The following NEGR1 variants were observed in gnomAD, a reference collection of about 807,000 sequenced individuals.
NEGR1 encodes IgLON family member 4.
NEGR1 carries 10 observed loss-of-function variants against 40.9 expected under a neutral mutation model. That is an observed-to-expected ratio of 0.24 (90% CI 0.15 to 0.42). The LOEUF (loss-of-function observed/expected upper bound fraction) is 0.42, where lower values mean the gene tolerates loss of function less well. Ranked by LOEUF, NEGR1 falls within the 10% of genes least tolerant of loss-of-function variation. The probability of loss-of-function intolerance (pLI) is 1.00; values close to 1 mark genes in which losing one functional copy is unlikely to be tolerated. For synonymous variants in NEGR1, 185 were observed against 166.8 expected, an observed-to-expected ratio of 1.11 and a Z score of -0.84; for missense variants, 352 against 438.9, an observed-to-expected ratio of 0.80 and a Z score of 1.77.
At chr1:71,664,603 A>G (rs1349640417) in intron 4 of NEGR1, among the ~76,000 whole-genome samples, 1 of 152,134 alleles carries the variant, frequency 6.6e-6, no homozygotes, top group African/African-American at 2.4e-5. Context: ...GTACTAAAAT[A>G]AATAATATTA....
intron 1 of NEGR1, among the ~76,000 whole-genome samples, chr1:71,975,478 G>T (rs1401706103): frequency 6.6e-6 from 1 of 152,160 alleles, no homozygotes; most frequent in Non-Finnish European, 1.5e-5. Flanking sequence ...CACTTCAATG[G>T]AATGCTCTTC....
chr1:72,051,101 C>T (rs1323323258), intron 1 of NEGR1, among the ~76,000 whole-genome samples: 5 of 151,362 alleles, frequency 3.3e-5, no homozygotes, highest in African/African-American at 4.8e-5. Flanking sequence ...GTTATGTTCC[C>T]GATGCATTGT....
intron 1 of NEGR1, among the ~76,000 whole-genome samples, chr1:72,268,203 A>C (rs951861666): frequency 1.3e-5 from 2 of 151,444 alleles, no homozygotes; most frequent in South Asian, 2.1e-4. Flanking sequence ...GCTATATTAA[A>C]GGAAGAGGAG....
chr1:72,066,747 A>T (rs1044256087), intron 1 of NEGR1, among the ~76,000 whole-genome samples: 1 of 152,058 alleles, frequency 6.6e-6, no homozygotes, highest in Admixed American at 6.6e-5. Context: ...TTGATCTTAG[A>T]CCACCAGCCT....
At chr1:71,639,108 C>T (rs1217445285) in intron 4 of NEGR1, among the ~76,000 whole-genome samples, 2 of 151,334 alleles carry the variant, frequency 1.3e-5, no homozygotes, top group African/African-American at 4.9e-5. Context: ...TTCTCTGCCA[C>T]ATGTGCTGGT....
intron 4 of NEGR1, among the ~76,000 whole-genome samples, chr1:71,630,542 C>T (rs1650940015): frequency 6.6e-6 from 1 of 151,756 alleles, no homozygotes; most frequent in Non-Finnish European, 1.5e-5. Flanking sequence ...GCTGTGTGCC[C>T]CATAAAATAA....
intron 1 of NEGR1, among the ~76,000 whole-genome samples, chr1:72,033,247 G>C (rs1646874884): frequency 6.6e-6 from 1 of 152,126 alleles, no homozygotes; most frequent in Non-Finnish European, 1.5e-5. Flanking sequence ...AAAAGGAACA[G>C]CAGTATTTTG....
At chr1:71,499,978 T>G (rs1453340424) in intron 6 of NEGR1, among the ~76,000 whole-genome samples, 2 of 152,156 alleles carry the variant, frequency 1.3e-5, no homozygotes, top group African/African-American at 4.8e-5. Context: ...GTGCTTCTCT[T>G]TATTGAATTA....
chr1:72,141,548 C>G (rs1002059564), intron 1 of NEGR1, among the ~76,000 whole-genome samples: 85 of 152,072 alleles, frequency 5.6e-4, no homozygotes, highest in African/African-American at 2.0e-3. Context: ...GAGCACCACT[C>G]AATTTATTGG....
At chr1:71,631,490 C>T (rs1182646587) in intron 4 of NEGR1, among the ~76,000 whole-genome samples, 1 of 151,804 alleles carries the variant, frequency 6.6e-6, no homozygotes, top group East Asian at 1.9e-4. Context: ...TGGCATAATG[C>T]ATTTCCAAAA....
chr1:71,814,901 C>A (rs1401319817), intron 2 of NEGR1, among the ~76,000 whole-genome samples: 2 of 152,016 alleles, frequency 1.3e-5, no homozygotes, highest in Non-Finnish European at 2.9e-5. Flanking sequence ...GTGTCACTTT[C>A]TCCTTCAGTT....
In NEGR1 at chr1:71,700,204, T is replaced by G. The variant is rs1293941090; in HGVS notation, c.536-2065A>C. On this transcript the variant is annotated intron_variant, in intron 3 of 6. Coordinates refer to ENST00000357731, the MANE Select transcript of NEGR1 (RefSeq NM_173808.3). ...GTAAGGAACCATATGCTTTCTTAAA[T>G]TCTACAGTTAACCTTAAACTTATGA... 6.6e-5 allele frequency among the ~76,000 whole-genome samples: 10 copies of G among 152,138 alleles called. No individual in the cohort carries two copies. The East Asian group carries it at 1.7e-3, about 26-fold the overall frequency.
intron 1 of NEGR1, among the ~76,000 whole-genome samples, chr1:72,208,619 A>G (rs1653492426): frequency 6.6e-6 from 1 of 151,692 alleles, no homozygotes; most frequent in African/African-American, 2.4e-5. Flanking sequence ...TAATTAAAGC[A>G]CACCTATAAA....
At chr1:71,477,486 C>A (rs533043436) in intron 6 of NEGR1, 1 of 152,266 alleles carries the variant, frequency 6.6e-6, no homozygotes, top group East Asian at 1.9e-4. Context: ...TCACCTCCTC[C>A]TGAGTCCATG....
chr1:72,019,040 G>C (rs578152339), intron 1 of NEGR1, among the ~76,000 whole-genome samples: 2 of 152,124 alleles, frequency 1.3e-5, no homozygotes, highest in East Asian at 1.9e-4. Context: ...CATATGATTC[G>C]ATATGTATTT....
At chr1:71,805,301 C>T (rs544249090) in intron 2 of NEGR1, among the ~76,000 whole-genome samples, 127 of 152,288 alleles carry the variant, frequency 8.3e-4, no homozygotes, top group African/African-American at 2.9e-3. Flanking sequence ...AGCATGTGAT[C>T]TCTGTGACCT....
At chr1:71,536,459 A>G (rs72938091) in intron 6 of NEGR1, among the ~76,000 whole-genome samples, 6,777 of 151,680 alleles carry the variant, frequency 0.045, 513 homozygotes, top group African/African-American at 0.15. Context: ...GGTCCCTTTC[A>G]CCCTCTGCCA....
intron 1 of NEGR1, among the ~76,000 whole-genome samples, chr1:71,996,194 A>C (rs940237668): frequency 6.6e-6 from 1 of 152,162 alleles, no homozygotes; most frequent in Non-Finnish European, 1.5e-5. Flanking sequence ...GATGTATGTA[A>C]AAATCAAGCC....
At chr1:72,164,835 ACT>A (rs1213693513) in intron 1 of NEGR1, among the ~76,000 whole-genome samples, 64 of 152,148 alleles carry the variant, frequency 4.2e-4, no homozygotes, top group African/African-American at 1.4e-3. Context: ...AATGGGTATA[ACT>A]CTGAAAAATA....
Sources: allele counts gnomAD v4.1 joint callset (sites outside exome capture counted in the v4.1 genomes callset), GRCh38; gene constraint gnomAD v4.1.1; transcripts MANE v1.5; gene names NCBI Gene and HGNC (gene_info 2026-07-23, HGNC 2026-07-21).